Variants in UNC79 observed in about 807,000 individuals in gnomAD.
The protein encoded by UNC79 is protein unc-79 homolog.
A neutral mutation model predicts 283.1 loss-of-function variants in UNC79; 37 were observed. That is an observed-to-expected ratio of 0.13 (90% CI 0.10 to 0.17). The LOEUF is 0.17. Ranked by LOEUF, UNC79 falls within the 10% of genes least tolerant of loss-of-function variation. UNC79 has a pLI of 1.00. For synonymous variants in UNC79, 1,107 were observed against 1,200.2 expected, an observed-to-expected ratio of 0.92 and a Z score of 1.61; for missense variants, 2,272 against 3,211.1, an observed-to-expected ratio of 0.71 and a Z score of 7.07.
intron 35 of UNC79, among the ~76,000 whole-genome samples, chr14:93,653,093 T>C (rs915737086): frequency 6.6e-6 from 1 of 152,156 alleles, no homozygotes; most frequent in Non-Finnish European, 1.5e-5. Context: ...TTCTCTTTTT[T>C]CCTTCTGGTA....
intron 34 of UNC79, among the ~76,000 whole-genome samples, chr14:93,645,581 G>A (rs2069509783): frequency 6.6e-6 from 1 of 152,114 alleles, no homozygotes; most frequent in Non-Finnish European, 1.5e-5. Flanking sequence ...TATGACCACG[G>A]GGACCATTCC....
chr14:93,489,825 GCT>G lies in UNC79; in HGVS notation c.712+2075_712+2076del, dbSNP rs548485280. On this transcript the variant is annotated intron_variant, in intron 5 of 48. Transcript: ENST00000555664. Reference sequence around the variant, plus strand: ...CTTGCTGGGCATTGCCCTGGTGGGGGCTCTCTACAGTGATCCTGGCCCCCACA... The same window carrying G: ...CTTGCTGGGCATTGCCCTGGTGGGGGCTCTACAGTGATCCTGGCCCCCACA... Among the ~76,000 whole-genome samples the G allele has an allele frequency of 1.0e-3, 155 of 152,316 alleles. 1 individual carries two copies. The highest frequency in any genetic ancestry group is 3.5e-3 in the African/African-American group (146 of 41,584).
intron 1 of UNC79, among the ~76,000 whole-genome samples, chr14:93,376,465 A>G (rs2054561164): frequency 6.6e-6 from 1 of 152,242 alleles, no homozygotes; most frequent in Non-Finnish European, 1.5e-5. Context: ...GGCAAACCGT[A>G]TATTTATATG....
At chr14:93,654,638 A>T in intron 37 of UNC79, among the ~76,000 whole-genome samples, 1 of 150,026 alleles carries the variant, frequency 6.7e-6, no homozygotes. Context: ...TAAAAAGTTA[A>T]TTAAGAAATA....
chr14:93,613,208 G>A (rs917487826), intron 27 of UNC79, 125 bp downstream of exon 28: 8 of 1,218,952 alleles, frequency 6.6e-6, no homozygotes, highest in Non-Finnish European at 9.1e-6. Flanking sequence ...GTATTATGCA[G>A]GAGTATGTGG....
At chr14:93,561,506 G>A (rs952559053) in intron 14 of UNC79, among the ~76,000 whole-genome samples, 1 of 152,054 alleles carries the variant, frequency 6.6e-6, no homozygotes, top group Non-Finnish European at 1.5e-5. Context: ...TAAGACGGGG[G>A]CAGCTGTGTA....
chr14:93,424,542 G>T (rs1256844480), intron 1 of UNC79, among the ~76,000 whole-genome samples: 1 of 152,140 alleles, frequency 6.6e-6, no homozygotes, highest in African/African-American at 2.4e-5. Context: ...AAAAGAATGA[G>T]ATCCTGCCAT....
intron 1 of UNC79, among the ~76,000 whole-genome samples, chr14:93,440,423 G>T (rs957663056): frequency 2.6e-5 from 4 of 151,010 alleles, no homozygotes; most frequent in African/African-American, 9.7e-5. Flanking sequence ...CTAGTTTTTG[G>T]CATTTCTAAA....
At chr14:93,626,921 C>T (rs1025943428) in intron 30 of UNC79, among the ~76,000 whole-genome samples, 10 of 152,142 alleles carry the variant, frequency 6.6e-5, no homozygotes, top group African/African-American at 2.4e-4. Flanking sequence ...TGGTGGCACA[C>T]ACCTGTAGTC....
intron 15 of UNC79, 145 bp from the exon 16 acceptor site, chr14:93,572,548 G>T: frequency 1.7e-6 from 2 of 1,186,646 alleles, no homozygotes; most frequent in Admixed American, 5.0e-5. Context: ...ACAGTAAAGT[G>T]AAATATGCTG....
At chr14:93,537,757 A>G (rs1211761240) in intron 11 of UNC79, among the ~76,000 whole-genome samples, 1 of 152,170 alleles carries the variant, frequency 6.6e-6, no homozygotes, top group East Asian at 1.9e-4. Flanking sequence ...ACACAATGCC[A>G]CTGATATTTA....
Position 93,531,093 on chromosome 14 carries a change from T to A in UNC79, c.1094-1457T>A, listed in dbSNP as rs1388666868. Among the ~76,000 whole-genome samples the A allele has an allele frequency of 2.0e-5, 3 of 152,242 alleles. No individual in the cohort carries two copies. The highest frequency in any genetic ancestry group is 7.2e-5 in the African/African-American group (3 of 41,466). ...AAAATATAAGTTATAAAATCCTTTT[T>A]AAATATGTTGCTGAGTTCTGGTTGT... On this transcript the variant is annotated intron_variant, in intron 10 of 48. Transcript: ENST00000555664. This position sits in a 1 kb window ranked among gnomAD's most constrained non-coding sequence, Gnocchi z 4.2.
At chr14:93,472,006 G>A (rs1208036834) in intron 2 of UNC79, among the ~76,000 whole-genome samples, 1 of 151,990 alleles carries the variant, frequency 6.6e-6, no homozygotes, top group Non-Finnish European at 1.5e-5. Flanking sequence ...TTTGATCAGA[G>A]CATTGCACTT....
At chr14:93,506,993 A>C (rs1041026546) in intron 7 of UNC79, among the ~76,000 whole-genome samples, 9 of 152,188 alleles carry the variant, frequency 5.9e-5, no homozygotes, top group Non-Finnish European at 1.3e-4. Flanking sequence ...TATTCAGGTA[A>C]ATGGAGATCA....
At chr14:93,415,172 C>G (rs1357266545) in intron 1 of UNC79, among the ~76,000 whole-genome samples, 1 of 152,134 alleles carries the variant, frequency 6.6e-6, no homozygotes, top group African/African-American at 2.4e-5. Context: ...ATAGTTAGCT[C>G]TTATTATTTT....
In UNC79 at chr14:93,486,215, ACT is replaced by A. The variant is rs531756554; in HGVS notation, c.620-1445_620-1444del. Among the ~76,000 whole-genome samples the A allele has an allele frequency of 1.0e-3, 157 of 152,180 alleles. 1 individual carries two copies. The highest frequency in any genetic ancestry group is 3.6e-3 in the African/African-American group (148 of 41,510). ...CTGCACCATTCTGTTCATGCTTGAC[ACT>A]CTGCCACACAAGCCCAAGTGTAAGG... is the stretch of plus-strand genomic sequence containing the variant. On this transcript the variant is annotated intron_variant, in intron 4 of 48. Coordinates refer to ENST00000555664, the Ensembl canonical transcript of UNC79.
intron 14 of UNC79, among the ~76,000 whole-genome samples, chr14:93,552,164 A>G (rs1201358852): frequency 1.3e-5 from 2 of 152,376 alleles, no homozygotes; most frequent in Non-Finnish European, 2.9e-5. Flanking sequence ...ATGAGAAGAA[A>G]TCAGCTGCCA....
chr14:93,431,691 A>G (rs1349705177), intron 1 of UNC79, among the ~76,000 whole-genome samples: 2 of 152,216 alleles, frequency 1.3e-5, no homozygotes, highest in Non-Finnish European at 2.9e-5. Flanking sequence ...TGATCTAATT[A>G]TTGTTCCAAA....
chr14:93,380,163 T>C (rs2054637999), intron 1 of UNC79, among the ~76,000 whole-genome samples: 1 of 151,958 alleles, frequency 6.6e-6, no homozygotes, highest in East Asian at 1.9e-4. Flanking sequence ...ATGGGTAGAG[T>C]AGGAGGGGGA....
Sources: allele counts gnomAD v4.1 joint callset (sites outside exome capture counted in the v4.1 genomes callset), GRCh38; gene constraint gnomAD v4.1.1; non-coding constraint Gnocchi (gnomAD v3.1); transcripts MANE v1.5; gene names NCBI Gene and HGNC (gene_info 2026-07-23, HGNC 2026-07-21).